Variants in SHLD3 observed in about 807,000 individuals in gnomAD.
The protein encoded by SHLD3 is REV7-interacting novel NHEJ regulator 1.
SHLD3 carries 15 observed loss-of-function variants against 21.4 expected under a neutral mutation model. The observed-to-expected ratio is 0.70, with a 90% CI of 0.47 to 1.08. SHLD3 has a LOEUF of 1.08. Among genes scored for constraint, SHLD3 ranks in the 50% least tolerant of loss-of-function variants. The probability of loss-of-function intolerance (pLI) is 0.00; values close to 1 mark genes in which losing one functional copy is unlikely to be tolerated. For missense variants in SHLD3, 273 were observed against 286.1 expected (o/e 0.95, Z 0.33); for synonymous variants, 103 against 97.2 (o/e 1.06, Z -0.35).
intron 1 of SHLD3, among the ~76,000 whole-genome samples, chr5:65,628,418 A>G (rs1755348144): frequency 6.6e-6 from 1 of 152,120 alleles, no homozygotes; most frequent in Non-Finnish European, 1.5e-5. Context: ...ACGTGAAATC[A>G]TCAAATATTC....
intron 1 of SHLD3, among the ~76,000 whole-genome samples, chr5:65,627,959 T>G (rs1755327082): frequency 6.6e-6 from 1 of 152,194 alleles, no homozygotes; most frequent in Non-Finnish European, 1.5e-5. Context: ...ATACTCATGG[T>G]TATCCTAGCA....
Position 65,629,468 on chromosome 5 carries a change from GT to G in SHLD3, c.-119del. On this transcript the variant is annotated splice_region_variant and 5_prime_UTR_variant, in exon 2 of 2. The change abolishes the stop of an existing upstream ORF in the 5' untranslated region. Transcript: ENST00000510585. ...ATTCTTTGCAATACTTCTACTTTAG[GT>G]CCTGTTTCCCTCTGATTTGGCAAGA... 7.0e-7 allele frequency: 1 copy of G among 1,423,954 alleles called. No homozygotes were observed. Among genetic ancestry groups the G allele is most frequent in the Admixed American group, 2.9e-5 (1 of 34,912 alleles). The allele number at this position is 1,423,954 out of a possible 1,614,324, so 88.2% of individuals were successfully genotyped here. A position where few individuals can be genotyped will look rare whatever the true frequency, so the allele number is the denominator to read the frequency against.
chr5:65,626,918 A>G (rs973653889), intron 1 of SHLD3, among the ~76,000 whole-genome samples: 2 of 152,052 alleles, frequency 1.3e-5, no homozygotes, highest in Admixed American at 6.5e-5. Flanking sequence ...AGGCTGGCAG[A>G]TCACTTGAGA....
At chr5:65,628,671 C>CAT (rs1363490336) in intron 1 of SHLD3, among the ~76,000 whole-genome samples, 1 of 151,688 alleles carries the variant, frequency 6.6e-6, no homozygotes, top group African/African-American at 2.4e-5. Flanking sequence ...GGAGTTTCAC[C>CAT]ATGTTGGCCA....
At position 65,630,044 on chromosome 5, in the gene SHLD3, C is replaced by G. The variant is rs1376077754; in HGVS notation, c.457C>G (p.Gln153Glu). ...KNVSPLSKKLQDSLKALNLHS... is the reference protein window; with the variant it reads ...KNVSPLSKKLEDSLKALNLHS... ...CGTTTCTCCTTTGTCTAAAAAATTG[C>G]AAGATAGTTTAAAGGCACTAAATTT... The change falls in exon 2 of 2, where the codon CAA (glutamine) becomes GAA (glutamate). Residue 153 changes from glutamine (Q) to glutamate (E), a missense_variant. Coordinates refer to ENST00000510585, the MANE Select transcript of SHLD3 (RefSeq NM_001365341.2). 6.5e-7 allele frequency: 1 copy of G among 1,536,000 alleles called. No homozygotes were observed. The highest frequency in any genetic ancestry group is 2.0e-5 in the Admixed American group (1 of 50,978).
rs1561761426 is a variant in SHLD3, at chr5:65,630,234, A to G, written c.647A>G (p.Asp216Gly). The change falls in exon 2 of 2, where the codon GAT becomes GGT. Residue 216 changes from aspartate (D) to glycine (G), a missense_variant. Transcript: ENST00000510585. The part of the protein sequence containing the change: ...RHLGQIWVFC[D>G]IMYCEYVGSL... ...TTAGGCCAAATATGGGTGTTCTGTG[A>G]TATTATGTATTGTGAATATGTGGGA... is the stretch of plus-strand genomic sequence containing the variant. 1.3e-6 allele frequency: 2 copies of G among 1,535,732 alleles called. No individual in the cohort carries two copies. Among genetic ancestry groups the G allele is most frequent in the Admixed American group, 3.9e-5 (2 of 50,970 alleles).
At chr5:65,627,402 G>A (rs935713823) in intron 1 of SHLD3, among the ~76,000 whole-genome samples, 2 of 151,966 alleles carry the variant, frequency 1.3e-5, no homozygotes, top group Non-Finnish European at 2.9e-5. Flanking sequence ...TGGGTGAGGT[G>A]GCTGATCACT....
chr5:65,629,495 G>C lies in SHLD3; in HGVS notation c.-93G>C. 7.0e-7 allele frequency: 1 copy of C among 1,434,604 alleles called. No homozygotes were observed. 88.9% of individuals were successfully genotyped at this position (1,434,604 alleles called of 1,614,324 possible). On this transcript the variant is annotated 5_prime_UTR_variant, in exon 2 of 2. Coordinates refer to ENST00000510585, the MANE Select transcript of SHLD3 (RefSeq NM_001365341.2). Reference sequence around the variant, plus strand: ...CCTGTTTCCCTCTGATTTGGCAAGAGAGACAATCTTGCAATAATAAATTAA... The same window carrying C: ...CCTGTTTCCCTCTGATTTGGCAAGACAGACAATCTTGCAATAATAAATTAA...
At chr5:65,625,241 G>A in intron 1 of SHLD3, 135 bp downstream of exon 1, 1 of 753,990 alleles carries the variant, frequency 1.3e-6, no homozygotes, top group African/African-American at 1.8e-5. Context: ...GCCGCCAAGC[G>A]GGAGGAAGCG....
rs901717162 is a variant in SHLD3, at chr5:65,629,705, C to G, written c.118C>G (p.Pro40Ala). 3.7e-5 allele frequency: 57 copies of G among 1,535,922 alleles called. No individual in the cohort carries two copies. Among genetic ancestry groups the G allele is most frequent in the Non-Finnish European group, 1.9e-5 (22 of 1,146,902 alleles). The change falls in exon 2 of 2, where the codon CCT becomes GCT. Residue 40 changes from proline (P) to alanine (A), a missense_variant. By Grantham distance (27) the Pro-to-Ala change is conservative. Coordinates refer to ENST00000510585, the MANE Select transcript of SHLD3 (RefSeq NM_001365341.2). ...FPTRPLSRFI[P>A]WFPYDGSKLP... Reference sequence around the variant, plus strand: ...TACTCGTCCGCTATCAAGATTTATACCTTGGTTTCCATATGATGGGTCCAA... The same window carrying G: ...TACTCGTCCGCTATCAAGATTTATAGCTTGGTTTCCATATGATGGGTCCAA...
intron 1 of SHLD3, among the ~76,000 whole-genome samples, chr5:65,627,818 CAATT>C (rs750226966): frequency 1.2e-4 from 18 of 152,110 alleles, no homozygotes; most frequent in African/African-American, 3.4e-4. Flanking sequence ...TTAAAGATCA[CAATT>C]ATTTATGAAT....
chr5:65,625,137 T>G, intron 1 of SHLD3, 31 bp downstream of exon 1: 1 of 1,595,122 alleles, frequency 6.3e-7, no homozygotes. Context: ...TTCCCCCTTT[T>G]CTGTTTCCTT....
At position 65,630,151 on chromosome 5, in the gene SHLD3, C is replaced by T; in HGVS notation, c.564C>T (p.Leu188=). ...SQTLEDIWTK[L]NQIIRHNELP... ...CTCTGGAAGACATTTGGACAAAACT[C>T]AATCAAATTATTAGGCACAATGAAC... The change falls in exon 2 of 2, where the codon CTC becomes CTT. Residue 188 remains leucine (L), a synonymous_variant. Transcript: ENST00000510585. The T allele has an allele frequency of 3.3e-6, 5 of 1,536,012 alleles. No homozygotes were observed. The highest frequency in any genetic ancestry group is 4.4e-6 in the Non-Finnish European group (5 of 1,146,848).
At chr5:65,626,309 C>T (rs1324313093) in intron 1 of SHLD3, 3 of 152,268 alleles carry the variant, frequency 2.0e-5, no homozygotes, top group East Asian at 1.9e-4. Context: ...CCTCTCTTTC[C>T]AAGAGTCCGT....
In SHLD3 at chr5:65,630,181, A is replaced by G; in HGVS notation, c.594A>G (p.Pro198=). The change falls in exon 2 of 2, where the codon CCA becomes CCG. Residue 198 remains proline, a synonymous_variant. Coordinates refer to ENST00000510585, the MANE Select transcript of SHLD3 (RefSeq NM_001365341.2). ...LNQIIRHNEL[P]SCNATIQRHL... ...AAATTATTAGGCACAATGAACTTCC[A>G]TCTTGTAATGCTACAATTCAGAGGC... is the stretch of plus-strand genomic sequence containing the variant. The G allele has an allele frequency of 2.0e-6, 3 of 1,536,052 alleles. No homozygotes were observed. The highest frequency in any genetic ancestry group is 2.6e-6 in the Non-Finnish European group (3 of 1,146,862).
chr5:65,629,688 C>T lies in SHLD3; in HGVS notation c.101C>T (p.Pro34Leu), dbSNP rs1755441996. ...EKAIQDFPTR[P>L]LSRFIPWFPY... ...GCAATTCAAGACTTTCCTACTCGTCCGCTATCAAGATTTATACCTTGGTTT... is the reference window on the plus strand; with the variant it reads ...GCAATTCAAGACTTTCCTACTCGTCTGCTATCAAGATTTATACCTTGGTTT... Residue 34 changes from proline to leucine, a missense_variant, in exon 2 of 2, where the codon CCG (proline) becomes CTG (leucine). By Grantham distance (98) the Pro-to-Leu change is moderately conservative. Transcript: ENST00000510585. 1.3e-6 allele frequency: 2 copies of T among 1,536,002 alleles called. No homozygotes were observed. The highest frequency in any genetic ancestry group is 1.2e-5 in the South Asian group (1 of 84,056).
In SHLD3 at chr5:65,625,541, T is replaced by C. The variant is rs139810383; in HGVS notation, c.-121+435T>C. The C allele has an allele frequency of 6.4e-3, 1,067 of 165,896 alleles. 11 individuals are homozygous for C. The highest frequency in any genetic ancestry group is 0.024 in the African/African-American group (1,020 of 42,078). The allele number at this position is 165,896 out of a possible 1,614,324, so 10.3% of individuals were successfully genotyped here. On this transcript the variant is annotated intron_variant, in intron 1 of 1. Transcript: ENST00000510585. ...GTGCAGAGAATTTAGCAATACATAG[T>C]AATACAACATATAACTTAGATTTAT... is the stretch of plus-strand genomic sequence containing the variant.
chr5:65,627,024 C>T (rs1172398881), intron 1 of SHLD3, among the ~76,000 whole-genome samples: 5 of 146,620 alleles, frequency 3.4e-5, no homozygotes, highest in South Asian at 2.2e-4. Flanking sequence ...CCCAGCTACT[C>T]GGGAGACTGA....
intron 1 of SHLD3, 29 bp from the exon 2 acceptor site, chr5:65,629,439 T>C: frequency 7.2e-7 from 1 of 1,396,088 alleles, no homozygotes; most frequent in South Asian, 1.8e-5. Flanking sequence ...CCCTACCATA[T>C]CTTATTCTTT....
Sources: gnomAD v4.1 joint callset for allele counts (sites outside exome capture counted in the v4.1 genomes callset) on GRCh38, gnomAD v4.1.1 for gene constraint, MANE v1.5 for transcripts, NCBI Gene and HGNC (gene_info 2026-07-23, HGNC 2026-07-21) for gene names.